The following TPRG1 variants were observed in gnomAD, a reference collection of about 807,000 sequenced individuals.
TPRG1 encodes tumor protein p63-regulated gene 1 protein.
Under a neutral mutation model 29.3 loss-of-function variants are expected in TPRG1, and 29 were observed. The ratio of observed to expected loss-of-function variants is 0.99; its 90% CI spans 0.74 to 1.35. TPRG1 has a LOEUF of 1.35. Ranked by LOEUF, TPRG1 falls within the 40% of genes most tolerant of loss-of-function variation. The pLI, the probability that TPRG1 is intolerant of heterozygous loss-of-function variation, is 0.00. For synonymous variants in TPRG1, 130 were observed against 116.8 expected, an observed-to-expected ratio of 1.11 and a Z score of -0.73; for missense variants, 327 against 335.0, an observed-to-expected ratio of 0.98 and a Z score of 0.19.
chr3:189,110,870 C>T (rs181839393), intron 1 of TPRG1, among the ~76,000 whole-genome samples: 1 of 151,480 alleles, frequency 6.6e-6, no homozygotes, highest in East Asian at 1.9e-4. Flanking sequence ...CTTGGTTTTC[C>T]ACATGTGGAT....
At chr3:189,026,646 T>C (rs986794026) in intron 4 of TPRG1, among the ~76,000 whole-genome samples, 4 of 152,098 alleles carry the variant, frequency 2.6e-5, no homozygotes, top group African/African-American at 9.7e-5. Flanking sequence ...CAGGGAGAGA[T>C]TTAGAATATT....
chr3:189,143,783 T>G (rs1286449909), intron 3 of TPRG1, among the ~76,000 whole-genome samples: 1 of 152,236 alleles, frequency 6.6e-6, no homozygotes, highest in East Asian at 1.9e-4. Flanking sequence ...CTGTGAGATT[T>G]GGATTCTGGT....
At chr3:189,238,199 G>A (rs1040588685) in intron 3 of TPRG1, among the ~76,000 whole-genome samples, 2 of 152,184 alleles carry the variant, frequency 1.3e-5, no homozygotes, top group African/African-American at 4.8e-5. Flanking sequence ...GGATATGGTA[G>A]GATGAGCTGC....
chr3:189,135,164 C>G (rs1400886311), intron 3 of TPRG1, among the ~76,000 whole-genome samples: 1 of 152,200 alleles, frequency 6.6e-6, no homozygotes, highest in Non-Finnish European at 1.5e-5. Context: ...CATCTACACT[C>G]TTCAGCATGG....
intron 4 of TPRG1, among the ~76,000 whole-genome samples, chr3:189,262,232 A>AAGTATC (rs1713212436): frequency 6.6e-6 from 1 of 151,754 alleles, no homozygotes; most frequent in Non-Finnish European, 1.5e-5. Flanking sequence ...GTATAAGTAT[A>AAGTATC]AGTATAAGTA....
At chr3:189,254,876 TC>T (rs1711552475) in intron 4 of TPRG1, among the ~76,000 whole-genome samples, 2 of 152,250 alleles carry the variant, frequency 1.3e-5, no homozygotes, top group South Asian at 4.1e-4. Flanking sequence ...TGATTTTGTA[TC>T]CTGAGACTTT....
At chr3:189,057,838 GTATGTGTGTA>G (rs2152142860) in intron 4 of TPRG1, among the ~76,000 whole-genome samples, 1 of 107,530 alleles carries the variant, frequency 9.3e-6, no homozygotes, top group South Asian at 2.6e-4. Flanking sequence ...ACACACATAT[GTATGTGTGTA>G]TATATATACA....
intron 1 of TPRG1, among the ~76,000 whole-genome samples, chr3:189,190,156 A>G (rs974377882): frequency 1.3e-5 from 2 of 152,240 alleles, no homozygotes; most frequent in South Asian, 2.1e-4. Context: ...TGAAACCTAT[A>G]TCGAAAGAAA....
rs143351586 is a variant in TPRG1 at position 189,195,085 on chromosome 3, G to T, written c.-9-12291G>T. ...GATGCAAAGCTGCTCAGCTTAACCA[G>T]GGCACTGATTCCCTAGGGGGTGATA... On this transcript the variant is annotated intron_variant, in intron 1 of 5. Coordinates refer to ENST00000345063, the MANE Select transcript of TPRG1 (RefSeq NM_198485.4). 2.0e-3 allele frequency among the ~76,000 whole-genome samples: 300 copies of T among 152,236 alleles called. 1 individual carries two copies. The highest frequency in any genetic ancestry group is 6.0e-3 in the African/African-American group (250 of 41,538).
At chr3:189,080,926 G>C (rs1279927961) in intron 4 of TPRG1, among the ~76,000 whole-genome samples, 1 of 152,034 alleles carries the variant, frequency 6.6e-6, no homozygotes, top group Non-Finnish European at 1.5e-5. Flanking sequence ...GAAGAGACCA[G>C]AGGCAGGAAA....
At chr3:189,065,343 C>T (rs1716369105) in intron 4 of TPRG1, among the ~76,000 whole-genome samples, 1 of 151,986 alleles carries the variant, frequency 6.6e-6, no homozygotes, top group South Asian at 2.1e-4. Context: ...TACTCTGATA[C>T]CAATACCAAA....
intron 4 of TPRG1, among the ~76,000 whole-genome samples, chr3:189,049,139 GC>G (rs1195396027): frequency 6.6e-6 from 1 of 152,154 alleles, no homozygotes; most frequent in Non-Finnish European, 1.5e-5. Flanking sequence ...AAGCCTCCCG[GC>G]CACAACTAGG....
intron 3 of TPRG1, among the ~76,000 whole-genome samples, chr3:189,009,782 CTTTTT>C (rs965594330): frequency 5.3e-5 from 8 of 151,550 alleles, no homozygotes; most frequent in African/African-American, 1.9e-4. Flanking sequence ...AATTCTCTCT[CTTTTT>C]TTTATTTCCA....
At chr3:189,073,826 T>C (rs1451936239) in intron 4 of TPRG1, among the ~76,000 whole-genome samples, 1 of 152,210 alleles carries the variant, frequency 6.6e-6, no homozygotes, top group Non-Finnish European at 1.5e-5. Context: ...GTAATATGTA[T>C]GCTTCTATTT....
chr3:189,013,992 C>T (rs1235495928), intron 3 of TPRG1, among the ~76,000 whole-genome samples: 3 of 152,078 alleles, frequency 2.0e-5, no homozygotes, highest in Non-Finnish European at 4.4e-5. Flanking sequence ...GGGCCCATGT[C>T]GTCTTCTTAC....
At chr3:189,018,970 G>A (rs886904835) in intron 3 of TPRG1, among the ~76,000 whole-genome samples, 1 of 152,078 alleles carries the variant, frequency 6.6e-6, no homozygotes, top group Non-Finnish European at 1.5e-5. Context: ...TGGATTCCTA[G>A]GTATTTGATT....
intron 1 of TPRG1, among the ~76,000 whole-genome samples, chr3:189,204,050 A>AC (rs1248394816): frequency 1.3e-5 from 2 of 151,830 alleles, no homozygotes; most frequent in East Asian, 1.9e-4. Context: ...AAAAAAAAAA[A>AC]AAAAAAAAAA....
intron 5 of TPRG1, among the ~76,000 whole-genome samples, chr3:189,153,925 A>G (rs1726296893): frequency 6.6e-6 from 1 of 152,218 alleles, no homozygotes; most frequent in Non-Finnish European, 1.5e-5. Context: ...TTTTTAAGCA[A>G]TAATTGCTGG....
intron 1 of TPRG1, among the ~76,000 whole-genome samples, chr3:189,107,598 T>C (rs1010234104): frequency 1.3e-5 from 2 of 152,260 alleles, no homozygotes; most frequent in South Asian, 4.1e-4. Context: ...CATATCAATC[T>C]TTTCATATCA....
Sources: gnomAD v4.1 joint callset for allele counts (sites outside exome capture counted in the v4.1 genomes callset) on GRCh38, gnomAD v4.1.1 for gene constraint, MANE v1.5 for transcripts, NCBI Gene and HGNC (gene_info 2026-07-23, HGNC 2026-07-21) for gene names.